ADAMTS5: variants seen among roughly 807,000 people sequenced by gnomAD.
The protein encoded by ADAMTS5 is ADAM metallopeptidase with thrombospondin type 1 motif 5.
Under a neutral mutation model 81.4 loss-of-function variants are expected in ADAMTS5, and 54 were observed. The ratio of observed to expected loss-of-function variants is 0.66; its 90% CI spans 0.53 to 0.83. The LOEUF (loss-of-function observed/expected upper bound fraction) is 0.83. Among genes scored for constraint, ADAMTS5 ranks in the 40% least tolerant of loss-of-function variants. The probability of loss-of-function intolerance (pLI) is 0.00; values close to 1 mark genes in which losing one functional copy is unlikely to be tolerated. For synonymous variants in ADAMTS5, 532 were observed against 508.8 expected, an observed-to-expected ratio of 1.05 and a Z score of -0.61; for missense variants, 1,194 against 1,229.9, an observed-to-expected ratio of 0.97 and a Z score of 0.44.
chr21:26,932,276 A>G, intron 5 of ADAMTS5, 97 bp from the exon 6 acceptor site: 1 of 1,363,978 alleles, frequency 7.3e-7, no homozygotes, highest in Non-Finnish European at 9.8e-7. Flanking sequence ...GAAGATGCAA[A>G]CGTGTTTTTT....
intron 5 of ADAMTS5, among the ~76,000 whole-genome samples, chr21:26,932,407 T>C (rs2123173173): frequency 6.6e-6 from 1 of 152,202 alleles, no homozygotes; most frequent in South Asian, 2.1e-4. Context: ...AAAAATCACA[T>C]ATGTGGCTGG....
intron 7 of ADAMTS5, among the ~76,000 whole-genome samples, chr21:26,927,456 C>T (rs1341802849): frequency 6.6e-6 from 1 of 152,080 alleles, no homozygotes; most frequent in Non-Finnish European, 1.5e-5. Context: ...AAGTGTACTG[C>T]TCATTAATAG....
intron 1 of ADAMTS5, among the ~76,000 whole-genome samples, chr21:26,964,363 C>T (rs1474170258): frequency 6.6e-6 from 1 of 152,170 alleles, no homozygotes; most frequent in Non-Finnish European, 1.5e-5. Flanking sequence ...TGCGTTCCTC[C>T]CTGAGCCTCT....
At chr21:26,940,988 A>G (rs549714942) in intron 3 of ADAMTS5, among the ~76,000 whole-genome samples, 3 of 152,158 alleles carry the variant, frequency 2.0e-5, no homozygotes, top group Non-Finnish European at 4.4e-5. Flanking sequence ...CACTGTTTCA[A>G]TTCTGAATCT....
chr21:26,925,623 T>G (rs1162815512), intron 7 of ADAMTS5, among the ~76,000 whole-genome samples: 1 of 152,196 alleles, frequency 6.6e-6, no homozygotes, highest in African/African-American at 2.4e-5. Context: ...CATAATAGGG[T>G]CCCTTCACTT....
chr21:26,943,588 G>T, intron 2 of ADAMTS5, 41 bp from the exon 3 acceptor site: 1 of 1,563,800 alleles, frequency 6.4e-7, no homozygotes, highest in Non-Finnish European at 8.7e-7. Context: ...ATCCGTGATT[G>T]TGTATTTCTA....
At chr21:26,965,150 T>C in intron 1 of ADAMTS5, 138 bp downstream of exon 1, 4 of 1,317,766 alleles carry the variant, frequency 3.0e-6, no homozygotes, top group Non-Finnish European at 4.1e-6. Flanking sequence ...TGAAGGCTGG[T>C]TGGATTTCCT....
rs781436034 is a variant in ADAMTS5, at chr21:26,932,170, A to T, written c.1883T>A (p.Phe628Tyr). ...TTTGGCCTCACACTGTTCATGACGA[A>T]ATGATTTACCTAGAAAACAAACATG... Reference protein sequence around the residue: ...LMPCPPNGKSFRHEQCEAKNG... With the variant: ...LMPCPPNGKSYRHEQCEAKNG... The change falls in exon 6 of 8, where the codon TTT becomes TAT. Residue 628 changes from phenylalanine to tyrosine, a missense_variant. Physicochemically the swap from Phe to Tyr is conservative, Grantham distance 22. This residue lies in a region of ADAMTS5 where 696 missense variants were observed against 817.6 expected (regional missense o/e 0.85). Coordinates refer to ENST00000284987, the MANE Select transcript of ADAMTS5 (RefSeq NM_007038.5). The T allele has an allele frequency of 1.2e-6, 2 of 1,612,698 alleles. No individual in the cohort carries two copies. The highest frequency in any genetic ancestry group is 8.5e-7 in the Non-Finnish European group (1 of 1,179,366).
chr21:26,952,020 CTG>C (rs1360670068), intron 2 of ADAMTS5, among the ~76,000 whole-genome samples: 1 of 152,136 alleles, frequency 6.6e-6, no homozygotes, highest in South Asian at 2.1e-4. Flanking sequence ...AGAAAATAAA[CTG>C]AATGAGAACC....
rs754450370 is a variant in ADAMTS5 at position 26,965,473 on chromosome 21, T to C, written c.919A>G (p.Ile307Val). ...IANRLYSHAS[I>V]ENHIRLAVVK... ...ACGGCCAGGCGGATGTGGTTCTCGA[T>C]GCTAGCATGGCTGTACAGCCTATTG... is the stretch of plus-strand genomic sequence containing the variant. The change falls in exon 1 of 8, where the codon ATC becomes GTC. Residue 307 changes from isoleucine to valine, a missense_variant. Coordinates refer to ENST00000284987, the MANE Select transcript of ADAMTS5 (RefSeq NM_007038.5). 6.2e-7 allele frequency: 1 copy of C among 1,614,248 alleles called. No homozygotes were observed. Among genetic ancestry groups the C allele is most frequent in the South Asian group, 1.1e-5 (1 of 91,090 alleles).
At chr21:26,935,172 C>T (rs1452175206) in intron 3 of ADAMTS5, among the ~76,000 whole-genome samples, 1 of 152,078 alleles carries the variant, frequency 6.6e-6, no homozygotes, top group Non-Finnish European at 1.5e-5. Flanking sequence ...AGAGTTTGTC[C>T]TTGGCACTCT....
In ADAMTS5 at chr21:26,966,759, A is replaced by G. The variant is rs1453322315; in HGVS notation, c.-368T>C. Among the ~76,000 whole-genome samples the G allele has an allele frequency of 6.6e-6, 1 of 152,080 alleles. No homozygotes were observed. The highest frequency in any genetic ancestry group is 1.9e-4 in the East Asian group (1 of 5,162). ...TGCAGGCACGATCGCTGTTTCAAGA[A>G]AAGTAAGGAAAGGTACCGCGCACCG... On this transcript the variant is annotated 5_prime_UTR_variant, in exon 1 of 8. Coordinates refer to ENST00000284987, the MANE Select transcript of ADAMTS5 (RefSeq NM_007038.5).
At position 26,960,901 on chromosome 21, in the gene ADAMTS5, A is replaced by G. The variant is rs984048260; in HGVS notation, c.1104+4387T>C. Among the ~76,000 whole-genome samples the G allele has an allele frequency of 2.6e-5, 4 of 152,182 alleles. No homozygotes were observed. In the South Asian group the frequency reaches 8.3e-4, roughly 32 times the overall value. On this transcript the variant is annotated intron_variant, in intron 1 of 7. Coordinates refer to ENST00000284987, the MANE Select transcript of ADAMTS5 (RefSeq NM_007038.5). The stretch of plus-strand genomic sequence containing the variant: ...GGCTAACTCCCACTCTTTCTTCAAA[A>G]TTGAACTCAGATGGAGTGAGCAATC...
chr21:26,926,863 C>T (rs962081360), intron 7 of ADAMTS5, among the ~76,000 whole-genome samples: 1 of 151,944 alleles, frequency 6.6e-6, no homozygotes, highest in Non-Finnish European at 1.5e-5. Flanking sequence ...GTAAGGGAAG[C>T]TTTTTTGGGT....
Position 26,932,972 on chromosome 21 carries a change from G to T in ADAMTS5, c.1762C>A (p.Gln588Lys). ...TTATTACAGTGACGATAGGCAAACTGCACTCCTCCTCCACATGAGCGAGAA... is the reference window on the plus strand; with the variant it reads ...TTATTACAGTGACGATAGGCAAACTTCACTCCTCCTCCACATGAGCGAGAA... ...QCSRSCGGGV[Q>K]FAYRHCNNPA... Residue 588 changes from glutamine (Q) to lysine (K), a missense_variant, in exon 5 of 8, where the codon CAG (glutamine) becomes AAG (lysine). Transcript: ENST00000284987. 1.2e-6 allele frequency: 2 copies of T among 1,613,970 alleles called. No homozygotes were observed. Among genetic ancestry groups the T allele is most frequent in the Non-Finnish European group, 1.7e-6 (2 of 1,179,974 alleles).
chr21:26,960,385 G>T (rs1261442662), intron 1 of ADAMTS5, among the ~76,000 whole-genome samples: 1 of 152,214 alleles, frequency 6.6e-6, no homozygotes, highest in Non-Finnish European at 1.5e-5. Flanking sequence ...GCATGGTGGA[G>T]TAGACTGAAT....
At chr21:26,934,331 G>T in intron 4 of ADAMTS5, 135 bp downstream of exon 4, 1 of 1,155,800 alleles carries the variant, frequency 8.7e-7, no homozygotes, top group Non-Finnish European at 1.2e-6. Context: ...AAAAGAAGAA[G>T]CTCTAAATAA....
chr21:26,925,063 A>G (rs976150107), intron 7 of ADAMTS5, among the ~76,000 whole-genome samples: 8 of 152,190 alleles, frequency 5.3e-5, no homozygotes, highest in African/African-American at 1.9e-4. Flanking sequence ...GATTGCTTCC[A>G]CATTAGAATC....
rs752568612 is a variant in ADAMTS5 at position 26,934,674 on chromosome 21, G to C, written c.1481C>G (p.Thr494Ser). ...CCCGAATGTCAGGTTGCACTGCTGG[G>C]TGGCATCGTAGGTCTGTCCTGGGAG... is the stretch of plus-strand genomic sequence containing the variant. ...EELPGQTYDA[T>S]QQCNLTFGPE... is the part of the protein sequence containing the mutation. Residue 494 changes from threonine (T) to serine (S), a missense_variant, in exon 4 of 8, where the codon ACC (threonine) becomes AGC (serine). Coordinates refer to ENST00000284987, the MANE Select transcript of ADAMTS5 (RefSeq NM_007038.5). 20 of 1,614,072 alleles carry C rather than the reference G, an allele frequency of 1.2e-5. No homozygotes were observed. The South Asian group carries it at 2.2e-4, about 18-fold the overall frequency.
Sources: allele counts gnomAD v4.1 joint callset (sites outside exome capture counted in the v4.1 genomes callset), GRCh38; gene constraint gnomAD v4.1.1; regional missense constraint gnomAD v4.1.1; transcripts MANE v1.5; gene names NCBI Gene and HGNC (gene_info 2026-07-23, HGNC 2026-07-21).